TOM1L1: variants seen among roughly 807,000 people sequenced by gnomAD.
TOM1L1 encodes TOM1-like protein 1.
A neutral mutation model predicts 63.4 loss-of-function variants in TOM1L1; 64 were observed. The ratio of observed to expected loss-of-function variants is 1.01; its 90% confidence interval spans 0.83 to 1.24. The LOEUF is 1.24. Ranked by LOEUF, TOM1L1 falls within the 50% of genes most tolerant of loss-of-function variation. The pLI is 0.00. For synonymous variants in TOM1L1, 166 were observed against 194.4 expected (o/e 0.85, Z 1.22); for missense variants, 536 against 567.0 (o/e 0.95, Z 0.55).
chr17:54,955,675 G>C (rs1327144776), intron 14 of TOM1L1, among the ~76,000 whole-genome samples: 1 of 151,958 alleles, frequency 6.6e-6, no homozygotes, highest in Non-Finnish European at 1.5e-5. Flanking sequence ...TTAAAACGAT[G>C]GCGATGTCTC....
chr17:54,906,470 C>G (rs560314683), intron 3 of TOM1L1, among the ~76,000 whole-genome samples: 90 of 140,802 alleles, frequency 6.4e-4, no homozygotes, highest in Non-Finnish European at 6.0e-4. Context: ...GAGCAAGACT[C>G]CTTCTCAAAA....
chr17:54,906,680 G>T, intron 3 of TOM1L1: 1 of 807,408 alleles, frequency 1.2e-6, no homozygotes, highest in Non-Finnish European at 1.5e-6. Context: ...GTTGGTTTAA[G>T]CAATTCTCCT....
Position 54,961,224 on chromosome 17 carries a change from C to G in TOM1L1, c.*2-11C>G, listed in dbSNP as rs1168910123. 2.7e-5 allele frequency: 40 copies of G among 1,503,276 alleles called. No homozygotes were observed. Among genetic ancestry groups the G allele is most frequent in the Non-Finnish European group, 3.4e-5 (37 of 1,102,938 alleles). 93.1% of individuals were successfully genotyped at this position (1,503,276 alleles called of 1,614,324 possible). On this transcript the variant is annotated splice_polypyrimidine_tract_variant and intron_variant, in intron 15 of 15. Coordinates refer to ENST00000575882, the MANE Select transcript of TOM1L1 (RefSeq NM_005486.3). The stretch of plus-strand genomic sequence containing the variant: ...GGATGAATACTGGCCATTTTCTTCT[C>G]TTTATTTTAGAAGAAAGTGGATGAT...
intron 11 of TOM1L1, among the ~76,000 whole-genome samples, chr17:54,940,441 A>C (rs1459273950): frequency 1.3e-5 from 2 of 152,218 alleles, no homozygotes; most frequent in Non-Finnish European, 2.9e-5. Flanking sequence ...TTAAAATTAT[A>C]AATGCATTTA....
At chr17:54,938,705 C>A (rs940531967) in intron 10 of TOM1L1, 57 of 409,180 alleles carry the variant, frequency 1.4e-4, no homozygotes, top group Non-Finnish European at 2.0e-4. Flanking sequence ...TTCTTTCTCT[C>A]TCTACCTACC....
At chr17:54,908,648 T>C (rs1220824025) in intron 3 of TOM1L1, among the ~76,000 whole-genome samples, 1 of 152,216 alleles carries the variant, frequency 6.6e-6, no homozygotes, top group African/African-American at 2.4e-5. Context: ...GACTGTACTA[T>C]GATTTCCTAC....
chr17:54,913,778 G>A lies in TOM1L1; in HGVS notation c.403G>A (p.Asp135Asn). The change falls in exon 5 of 16, where the codon GAT becomes AAT. Residue 135 changes from aspartate (D) to asparagine (N), a missense_variant. Physicochemically the swap from Asp to Asn is conservative, Grantham distance 23 (BLOSUM62 1). Coordinates refer to ENST00000575882, the MANE Select transcript of TOM1L1 (RefSeq NM_005486.3). Reference sequence around the variant, plus strand: ...GTCACAGGGCTTCCCAGGAGGTGTGGATGTAAGCGAAGTCAAAGAAGTATA... The same window carrying A: ...GTCACAGGGCTTCCCAGGAGGTGTGAATGTAAGCGAAGTCAAAGAAGTATA... ...TWSQGFPGGV[D>N]VSEVKEVYLD... The A allele has an allele frequency of 1.2e-6, 2 of 1,611,872 alleles. No individual in the cohort carries two copies. The highest frequency in any genetic ancestry group is 1.7e-6 in the Non-Finnish European group (2 of 1,178,654).
At chr17:54,944,762 A>G (rs540295439) in intron 11 of TOM1L1, among the ~76,000 whole-genome samples, 15 of 152,220 alleles carry the variant, frequency 9.9e-5, no homozygotes, top group Non-Finnish European at 2.2e-4. Flanking sequence ...TGAAAAATCT[A>G]CATTCATCGG....
At chr17:54,931,664 A>G (rs541936545) in intron 8 of TOM1L1, among the ~76,000 whole-genome samples, 54 of 152,036 alleles carry the variant, frequency 3.6e-4, no homozygotes, top group Non-Finnish European at 6.8e-4. Flanking sequence ...TTAGCCAGGC[A>G]TGGTGACACA....
intron 8 of TOM1L1, among the ~76,000 whole-genome samples, chr17:54,930,539 T>C (rs907584854): frequency 1.1e-4 from 16 of 151,880 alleles, no homozygotes; most frequent in African/African-American, 3.6e-4. Flanking sequence ...ACCCTGTCTC[T>C]ACAAAAAATA....
intron 12 of TOM1L1, among the ~76,000 whole-genome samples, chr17:54,948,715 T>A (rs1421395555): frequency 6.6e-6 from 1 of 152,258 alleles, no homozygotes; most frequent in African/African-American, 2.4e-5. Context: ...TGTTTATTGC[T>A]TTATTAATAG....
At chr17:54,945,673 GTTT>G (rs34341249) in intron 11 of TOM1L1, among the ~76,000 whole-genome samples, 1 of 148,932 alleles carries the variant, frequency 6.7e-6, no homozygotes, top group Admixed American at 6.7e-5. Flanking sequence ...ATTCTGTTAA[GTTT>G]TTTTTTTAAT....
chr17:54,908,828 T>G (rs981481151), intron 3 of TOM1L1, among the ~76,000 whole-genome samples: 2 of 152,228 alleles, frequency 1.3e-5, no homozygotes, highest in African/African-American at 4.8e-5. Context: ...TTCCTGAGAA[T>G]CAATTAGTTA....
chr17:54,951,933 C>G (rs2049256920), intron 14 of TOM1L1: 1 of 152,154 alleles, frequency 6.6e-6, no homozygotes, highest in Admixed American at 6.5e-5. Context: ...TTACTTAGCA[C>G]AAGTAAATTC....
At position 54,923,606 on chromosome 17, in the gene TOM1L1, C is replaced by T. The variant is rs559573297; in HGVS notation, c.721-6467C>T. 7.7e-4 allele frequency among the ~76,000 whole-genome samples: 117 copies of T among 151,712 alleles called. 1 individual carries two copies. Among genetic ancestry groups the T allele is most frequent in the African/African-American group, 2.7e-3 (111 of 41,404 alleles). Reference sequence around the variant, plus strand: ...TGTCACCCAGGCTGGAGTGCAGTGGCGCGATCTCGGCTCACTGCAACCTCT... The same window carrying T: ...TGTCACCCAGGCTGGAGTGCAGTGGTGCGATCTCGGCTCACTGCAACCTCT... On this transcript the variant is annotated intron_variant, in intron 7 of 15. Coordinates refer to ENST00000575882, the MANE Select transcript of TOM1L1 (RefSeq NM_005486.3).
chr17:54,944,321 G>A (rs1279079526), intron 11 of TOM1L1, among the ~76,000 whole-genome samples: 3 of 151,756 alleles, frequency 2.0e-5, no homozygotes, highest in African/African-American at 4.8e-5. Context: ...GTGGTGGTGC[G>A]CATCTGTAAT....
rs2048577315 is a variant in TOM1L1, at chr17:54,915,773, A to G, written c.631A>G (p.Met211Val). 2 of 1,612,070 alleles carry G rather than the reference A, an allele frequency of 1.2e-6. No homozygotes were observed. The highest frequency in any genetic ancestry group is 2.2e-5 in the East Asian group (1 of 44,758). Reference protein sequence around the residue: ...QIGKLHSELDMVKMNVRVMSA... With the variant: ...QIGKLHSELDVVKMNVRVMSA... Reference sequence around the variant, plus strand: ...TGGAAAACTGCACAGTGAATTGGATATGGTGAAAATGAATGTGCGAGTGAT... The same window carrying G: ...TGGAAAACTGCACAGTGAATTGGATGTGGTGAAAATGAATGTGCGAGTGAT... The change falls in exon 7 of 16, where the codon ATG becomes GTG. Residue 211 changes from methionine (M) to valine (V), a missense_variant. Met to Val is a conservative substitution (Grantham distance 21). Transcript: ENST00000575882.
intron 7 of TOM1L1, among the ~76,000 whole-genome samples, chr17:54,920,615 A>G (rs2048668529): frequency 6.6e-6 from 1 of 152,134 alleles, no homozygotes; most frequent in African/African-American, 2.4e-5. Flanking sequence ...AGCAACCCAT[A>G]CTAACCTCAA....
At chr17:54,944,184 A>G (rs1479103753) in intron 11 of TOM1L1, among the ~76,000 whole-genome samples, 1 of 151,720 alleles carries the variant, frequency 6.6e-6, no homozygotes, top group Non-Finnish European at 1.5e-5. Flanking sequence ...GTGGTGGCTC[A>G]TGCCTGTAAT....
Sources: allele counts gnomAD v4.1 joint callset (sites outside exome capture counted in the v4.1 genomes callset), GRCh38; gene constraint gnomAD v4.1.1; transcripts MANE v1.5; gene names NCBI Gene and HGNC (gene_info 2026-07-23, HGNC 2026-07-21).